AXIN2: variants seen among roughly 807,000 people sequenced by gnomAD.
The protein encoded by AXIN2 is axin-2.
AXIN2 carries 21 observed loss-of-function variants against 74.7 expected under a neutral mutation model. The ratio of observed to expected loss-of-function variants is 0.28; its 90% confidence interval spans 0.20 to 0.40. AXIN2 has a LOEUF of 0.40. AXIN2 is among the 10% of genes least tolerant of loss of function. The probability of loss-of-function intolerance (pLI) is 1.00; values close to 1 mark genes in which losing one functional copy is unlikely to be tolerated. For synonymous variants in AXIN2, 532 were observed against 454.9 expected, an observed-to-expected ratio of 1.17 and a Z score of -2.16; for missense variants, 1,144 against 1,111.1, an observed-to-expected ratio of 1.03 and a Z score of -0.42.
At chr17:65,535,844 G>A (rs567283202) in intron 8 of AXIN2, 123 bp from the exon 9 acceptor site, 5 of 884,624 alleles carry the variant, frequency 5.7e-6, no homozygotes, top group South Asian at 2.8e-5. Context: ...CCATCCTTAC[G>A]GAGACCCAAC....
chr17:65,534,186 C>T, intron 9 of AXIN2, 107 bp from the exon 10 acceptor site: 5 of 1,394,958 alleles, frequency 3.6e-6, no homozygotes, highest in Non-Finnish European at 5.1e-6. Context: ...TATCCAAACA[C>T]TAGGGCTGCA....
At chr17:65,548,754 C>A (rs187503170) in intron 3 of AXIN2, among the ~76,000 whole-genome samples, 8 of 152,284 alleles carry the variant, frequency 5.3e-5, no homozygotes, top group Admixed American at 1.3e-4. Flanking sequence ...ACAGAGATTG[C>A]CATGACTTGA....
At chr17:65,549,373 G>A in intron 3 of AXIN2, 147 bp downstream of exon 3, 1 of 976,588 alleles carries the variant, frequency 1.0e-6, no homozygotes, top group Non-Finnish European at 1.6e-6. Context: ...CCATACCCTT[G>A]TCATACTCCC....
In AXIN2 at chr17:65,554,208, C is replaced by A. The variant is rs539903656; in HGVS notation, c.815+3598G>T. Among the ~76,000 whole-genome samples, 6 of 152,330 alleles carry A rather than the reference C, an allele frequency of 3.9e-5. No individual in the cohort carries two copies. In the South Asian group the frequency reaches 6.2e-4, roughly 16 times the overall value. ...GGCAGGGAGCACAGAACTGACCTGA[C>A]AGAACTGACCATAGGGGTCCTCCTC... is the stretch of plus-strand genomic sequence containing the variant. On this transcript the variant is annotated intron_variant, in intron 2 of 10. Coordinates refer to ENST00000307078, the MANE Select transcript of AXIN2 (RefSeq NM_004655.4).
intron 2 of AXIN2, among the ~76,000 whole-genome samples, chr17:65,552,989 T>C (rs907820878): frequency 2.0e-5 from 3 of 152,008 alleles, no homozygotes; most frequent in South Asian, 2.1e-4. Flanking sequence ...GATCACACCA[T>C]TGCACTCCAG....
chr17:65,559,149 C>A (rs1014409931), intron 1 of AXIN2, among the ~76,000 whole-genome samples: 4 of 152,216 alleles, frequency 2.6e-5, no homozygotes, highest in South Asian at 2.1e-4. Context: ...TCCAAAAAGG[C>A]GCACTCCCAG....
intron 7 of AXIN2, 28 bp from the exon 8 acceptor site, chr17:65,536,581 C>G (rs1350964850): frequency 1.9e-6 from 3 of 1,611,198 alleles, no homozygotes; most frequent in African/African-American, 1.3e-5. Context: ...AGAGAGAAAA[C>G]AGAAGGAAAG....
chr17:65,535,254 T>TC, intron 9 of AXIN2, among the ~76,000 whole-genome samples: 1 of 152,222 alleles, frequency 6.6e-6, no homozygotes, highest in African/African-American at 2.4e-5. Flanking sequence ...ACAAGGATGG[T>TC]CCCCTCCACC....
In AXIN2 at chr17:65,536,393, G is replaced by A. The variant is rs770199204; in HGVS notation, c.2068C>T (p.Pro690Ser). The change falls in exon 8 of 11, where the codon CCA (proline) becomes TCA (serine). Residue 690 changes from proline (P) to serine (S), a missense_variant. This residue lies in a region of AXIN2 where 1,053 missense variants were observed against 973.5 expected (regional missense o/e 1.08). Transcript: ENST00000307078. The stretch of plus-strand genomic sequence containing the variant: ...TCCAGCTGAGCCAGCGTGTTGGGTG[G>A]GGTCAGGGGAGGCATCGCAGGGTCC... ...TQDPAMPPLTPPNTLAQLEEA... is the reference protein window; with the variant it reads ...TQDPAMPPLTSPNTLAQLEEA... The A allele has an allele frequency of 3.7e-6, 6 of 1,613,818 alleles. No homozygotes were observed. The highest frequency in any genetic ancestry group is 5.1e-6 in the Non-Finnish European group (6 of 1,180,006).
rs1567757373 is a variant in AXIN2 at position 65,538,237 on chromosome 17, T to TGGC, written c.1163_1165dup (p.Arg388dup). On this transcript the variant is annotated inframe_insertion, in exon 5 of 11. Coordinates refer to ENST00000307078, the MANE Select transcript of AXIN2 (RefSeq NM_004655.4). Reference sequence around the variant, plus strand: ...CTGCTGCAGGCGCTCCTCCAGGCTGTGGCGGCTCTCCAACTCCAGCTTCAG... The same window carrying TGGC: ...CTGCTGCAGGCGCTCCTCCAGGCTGTGGCGGCGGCTCTCCAACTCCAGCTTCAG... 1.2e-6 allele frequency: 2 copies of TGGC among 1,614,064 alleles called. No homozygotes were observed. The highest frequency in any genetic ancestry group is 1.7e-6 in the Non-Finnish European group (2 of 1,180,038).
rs775428814 is a variant in AXIN2, at chr17:65,538,667, C to CAAAAAAAAAAAAAAAAAAAA, written c.1060-344_1060-325dup. ...ATCTTCAAAGACTGTTGTCAACCAT[C>CAAAAAAAAAAAAAAAAAAAA]AAAAAAAAAAAAAAAAAAAAAAAAA... On this transcript the variant is annotated intron_variant, in intron 4 of 10. Coordinates refer to ENST00000307078, the MANE Select transcript of AXIN2 (RefSeq NM_004655.4). Among the ~76,000 whole-genome samples, 85 of 35,828 alleles carry CAAAAAAAAAAAAAAAAAAAA rather than the reference C, an allele frequency of 2.4e-3. 42 individuals carry two copies. Among genetic ancestry groups the CAAAAAAAAAAAAAAAAAAAA allele is most frequent in the East Asian group, 4.2e-3 (4 of 944 alleles). The allele number at this position is 35,828 out of a possible 152,430, so 23.5% of individuals were successfully genotyped here. A position where few individuals can be genotyped will look rare whatever the true frequency, so the allele number is the denominator to read the frequency against.
chr17:65,560,334 T>C, intron 1 of AXIN2: 1 of 146,604 alleles, frequency 6.8e-6, no homozygotes. Context: ...CCGCCAGCGC[T>C]GTGGGCCCCT....
Position 65,537,761 on chromosome 17 carries a change from T to G in AXIN2, c.1275A>C (p.Leu425=), listed in dbSNP as rs758219268. The G allele has an allele frequency of 1.3e-6, 2 of 1,583,338 alleles. No homozygotes were observed. Among genetic ancestry groups the G allele is most frequent in the African/African-American group, 2.7e-5 (2 of 74,194 alleles). Residue 425 remains leucine, a synonymous_variant, in exon 6 of 11, where the codon CTA becomes CTC. Transcript: ENST00000307078. ...EGAPTQHPLS[L]LPSGSYEEDP... ...CTTCCTCGTAGCTGCCGGAGGGCAGTAGGGAGAGGGGGTGCTGCGTGGGCG... is the reference window on the plus strand; with the variant it reads ...CTTCCTCGTAGCTGCCGGAGGGCAGGAGGGAGAGGGGGTGCTGCGTGGGCG...
intron 5 of AXIN2, 95 bp from the exon 6 acceptor site, chr17:65,537,930 GCACACC>G: frequency 6.9e-7 from 1 of 1,451,684 alleles, no homozygotes; most frequent in Non-Finnish European, 9.2e-7. Flanking sequence ...GCAGGAGCAC[GCACACC>G]CGTGTGCACG....
At chr17:65,550,289 G>A (rs1470011502) in intron 2 of AXIN2, among the ~76,000 whole-genome samples, 4 of 152,170 alleles carry the variant, frequency 2.6e-5, no homozygotes, top group Non-Finnish European at 2.9e-5. Flanking sequence ...CCGTTGCCAT[G>A]CCCCTTCCCC....
At chr17:65,537,291 C>T (rs1195035111) in intron 6 of AXIN2, 33 bp downstream of exon 6, 2 of 1,613,262 alleles carry the variant, frequency 1.2e-6, no homozygotes, top group Non-Finnish European at 1.7e-6. Flanking sequence ...AGACAAGCCC[C>T]ACACGGGACA....
intron 2 of AXIN2, among the ~76,000 whole-genome samples, chr17:65,556,698 T>C (rs1326810303): frequency 2.0e-5 from 3 of 152,136 alleles, no homozygotes; most frequent in Non-Finnish European, 4.4e-5. Flanking sequence ...ATCAACCATC[T>C]GGTGCCCACC....
rs951973598 is a variant in AXIN2, at chr17:65,558,152, T to C, written c.469A>G (p.Ile157Val). ...TGCTGCTTCTTGATGCCATCTCTTA[T>C]GTAGGTCTTGGTGGCAGGCTTCAGC... ...KQLKPATKTY[I>V]RDGIKKQQID... Residue 157 changes from isoleucine to valine, a missense_variant, in exon 2 of 11, where the codon ATA (isoleucine) becomes GTA (valine). Ile to Val is a conservative substitution (Grantham distance 29, BLOSUM62 3). This residue lies in a region of AXIN2 where 1,053 missense variants were observed against 973.5 expected (regional missense o/e 1.08). Coordinates refer to ENST00000307078, the MANE Select transcript of AXIN2 (RefSeq NM_004655.4). The C allele has an allele frequency of 6.2e-6, 10 of 1,614,090 alleles. No individual in the cohort carries two copies. Among genetic ancestry groups the C allele is most frequent in the African/African-American group, 2.7e-5 (2 of 74,936 alleles).
rs1186148018 is a variant in AXIN2 at position 65,558,358 on chromosome 17, T to C, written c.263A>G (p.Asp88Gly). 3.7e-6 allele frequency: 6 copies of C among 1,614,072 alleles called. No individual in the cohort carries two copies. Among genetic ancestry groups the C allele is most frequent in the Non-Finnish European group, 5.1e-6 (6 of 1,179,922 alleles). The change falls in exon 2 of 11, where the codon GAT becomes GGT. Residue 88 changes from aspartate (D) to glycine (G), a missense_variant. By Grantham distance (94) the Asp-to-Gly change is moderately conservative. This residue lies in a region of AXIN2 where 1,053 missense variants were observed against 973.5 expected (regional missense o/e 1.08). Transcript: ENST00000307078. The stretch of plus-strand genomic sequence containing the variant: ...TCGGAACAGGTAAGCACCGTCTTGA[T>C]CGCCCAATAAGGAGTGTAAGGACTT... The part of the protein sequence containing the change: ...WTKSLHSLLG[D>G]QDGAYLFRTF...
Sources: gnomAD v4.1 joint callset for allele counts (sites outside exome capture counted in the v4.1 genomes callset) on GRCh38, gnomAD v4.1.1 for gene constraint, gnomAD v4.1.1 regional missense constraint, MANE v1.5 for transcripts, NCBI Gene and HGNC (gene_info 2026-07-23, HGNC 2026-07-21) for gene names.